The following ZNF529 variants were observed in gnomAD, a reference collection of about 807,000 sequenced individuals.
The protein encoded by ZNF529 is zinc finger protein 529.
A neutral mutation model predicts 10.1 loss-of-function variants in ZNF529; 11 were observed. The ratio of observed to expected loss-of-function variants is 1.09; its 90% CI spans 0.69 to 1.81. The LOEUF is 1.81. Ranked by LOEUF, ZNF529 falls within the 40% of genes most tolerant of loss-of-function variation. The pLI is 0.00. For synonymous variants in ZNF529, 204 were observed against 215.7 expected (o/e 0.95, Z 0.47); for missense variants, 624 against 666.8 (o/e 0.94, Z 0.71).
upstream of ZNF529, among the ~76,000 whole-genome samples, chr19:36,574,201 C>T (rs911833514): frequency 5.9e-5 from 9 of 152,180 alleles, no homozygotes; most frequent in Non-Finnish European, 1.3e-4. Context: ...CAATCAAATA[C>T]ATGTAAAATG....
intron 2 of ZNF529, among the ~76,000 whole-genome samples, chr19:36,588,277 C>A (rs577635164): frequency 6.6e-6 from 1 of 152,002 alleles, no homozygotes; most frequent in African/African-American, 2.4e-5. Flanking sequence ...GTGTCTCATG[C>A]CTTAAGGGAT....
upstream of ZNF529, among the ~76,000 whole-genome samples, chr19:36,574,166 T>C (rs1386941191): frequency 1.3e-5 from 2 of 152,222 alleles, no homozygotes; most frequent in African/African-American, 4.8e-5. Context: ...TGTGGTTTTA[T>C]ACCTTTTAGG....
At position 36,555,470 on chromosome 19, in the gene ZNF529, T is replaced by A. The variant is rs1410802754; in HGVS notation, c.108+634A>T. 2.4e-5 allele frequency among the ~76,000 whole-genome samples: 2 copies of A among 84,266 alleles called. 1 individual carries two copies. The highest frequency in any genetic ancestry group is 1.3e-4 in the African/African-American group (2 of 15,428). The allele number at this position is 84,266 out of a possible 152,430, so 55.3% of individuals were successfully genotyped here. The stretch of plus-strand genomic sequence containing the variant: ...CACCGCGCCCGGCTAATTTTTTGTA[T>A]TTTTTTTAGTAGAGACGGGGTTTCA... On this transcript the variant is annotated intron_variant, in intron 3 of 4. Transcript: ENST00000591340.
intron 2 of ZNF529, among the ~76,000 whole-genome samples, chr19:36,567,319 C>T (rs2035936785): frequency 6.6e-6 from 1 of 152,100 alleles, no homozygotes; most frequent in South Asian, 2.1e-4. Context: ...TTGCATCACT[C>T]CTTAATAACA....
At chr19:36,555,213 T>C (rs2035419861) in intron 3 of ZNF529, among the ~76,000 whole-genome samples, 2 of 152,256 alleles carry the variant, frequency 1.3e-5, no homozygotes, top group African/African-American at 2.4e-5. Context: ...AAAGATTTCT[T>C]GTAGCTCCAA....
At chr19:36,601,225 C>G (rs2036918358) in intron 1 of ZNF529, among the ~76,000 whole-genome samples, 2 of 150,738 alleles carry the variant, frequency 1.3e-5, no homozygotes, top group African/African-American at 4.9e-5. Context: ...GCCTCAGCCT[C>G]CCTGAGTAGC....
At chr19:36,595,749 G>A (rs1423295955) in intron 1 of ZNF529, among the ~76,000 whole-genome samples, 2 of 152,074 alleles carry the variant, frequency 1.3e-5, no homozygotes, top group Non-Finnish European at 2.9e-5. Flanking sequence ...TTCAGTAAGT[G>A]TCAGACTTAT....
intron 2 of ZNF529, among the ~76,000 whole-genome samples, chr19:36,562,570 T>C (rs936200995): frequency 6.6e-6 from 1 of 151,144 alleles, no homozygotes; most frequent in Non-Finnish European, 1.5e-5. Context: ...GCGCGGTGGC[T>C]CATGCCTGTA....
upstream of ZNF529, among the ~76,000 whole-genome samples, chr19:36,576,884 G>A (rs937523727): frequency 6.6e-6 from 1 of 151,738 alleles, no homozygotes; most frequent in African/African-American, 2.4e-5. Flanking sequence ...ACTCAGGAGA[G>A]CCCATACAAG....
chr19:36,604,223 G>A (rs2036980341), intron 1 of ZNF529, among the ~76,000 whole-genome samples: 1 of 152,104 alleles, frequency 6.6e-6, no homozygotes, highest in Non-Finnish European at 1.5e-5. Flanking sequence ...TCCTACTCCT[G>A]GGGCCTCAAT....
At chr19:36,564,123 A>C (rs2035812297) in intron 2 of ZNF529, among the ~76,000 whole-genome samples, 1 of 152,222 alleles carries the variant, frequency 6.6e-6, no homozygotes, top group South Asian at 2.1e-4. Context: ...AGTTTGATGA[A>C]AGCTTAAATG....
intron 2 of ZNF529, among the ~76,000 whole-genome samples, chr19:36,560,257 C>CAAAA (rs58196878): frequency 1.9e-5 from 2 of 104,334 alleles, no homozygotes; most frequent in South Asian, 3.1e-4. Flanking sequence ...AACTCCGTCT[C>CAAAA]AAAAAAAAAA....
At position 36,544,003 on chromosome 19, in the gene ZNF529, T is replaced by A. The variant is rs1159622173; in HGVS notation, c.*2863A>T. The A allele has an allele frequency of 6.6e-6, 1 of 151,872 alleles. No individual in the cohort carries two copies. Among genetic ancestry groups the A allele is most frequent in the Non-Finnish European group, 1.5e-5 (1 of 68,000 alleles). 9.4% of individuals were successfully genotyped at this position (151,872 alleles called of 1,614,324 possible). A position where few individuals can be genotyped will look rare whatever the true frequency, so the allele number is the denominator to read the frequency against. On this transcript the variant is annotated 3_prime_UTR_variant, in exon 5 of 5. Transcript: ENST00000591340. Reference sequence around the variant, plus strand: ...TAAATTGAATTCCTTCAAGGACATATAAAATTTAATGGTGCAGGACAGCAG... The same window carrying A: ...TAAATTGAATTCCTTCAAGGACATAAAAAATTTAATGGTGCAGGACAGCAG...
upstream of ZNF529, among the ~76,000 whole-genome samples, chr19:36,576,858 T>A (rs2036331290): frequency 6.6e-6 from 1 of 152,054 alleles, no homozygotes; most frequent in Non-Finnish European, 1.5e-5. Context: ...AGTGATTTGA[T>A]GTCTATGTAG....
At position 36,547,356 on chromosome 19, in the gene ZNF529, T is replaced by C. The variant is rs749657147; in HGVS notation, c.1202A>G (p.Lys401Arg). Reference sequence around the variant, plus strand: ...CAGGGATGAACTATTTCTAAAGACCTTTCCACATGCTTTGCATTCATAGGG... The same window carrying C: ...CAGGGATGAACTATTTCTAAAGACCCTTCCACATGCTTTGCATTCATAGGG... ...KKPYECKACG[K>R]VFRNSSSLTR... Residue 401 changes from lysine to arginine, a missense_variant, in exon 5 of 5, where the codon AAG becomes AGG. Coordinates refer to ENST00000591340, the MANE Select transcript of ZNF529 (RefSeq NM_020951.5). 2 of 1,613,854 alleles carry C rather than the reference T, an allele frequency of 1.2e-6. No homozygotes were observed. Among genetic ancestry groups the C allele is most frequent in the African/African-American group, 1.3e-5 (1 of 74,918 alleles).
At chr19:36,571,589 C>T (rs921406650) in intron 2 of ZNF529, among the ~76,000 whole-genome samples, 2 of 150,928 alleles carry the variant, frequency 1.3e-5, no homozygotes, top group African/African-American at 4.9e-5. Context: ...GCAGGAGACT[C>T]ACTTGAACCT....
chr19:36,582,014 A>G (rs1363353425), intron 2 of ZNF529: 5 of 152,230 alleles, frequency 3.3e-5, no homozygotes, highest in African/African-American at 1.2e-4. Context: ...TCACAAAAAG[A>G]TAACTACTTA....
chr19:36,599,279 C>G (rs561943548), intron 1 of ZNF529, among the ~76,000 whole-genome samples: 25 of 152,154 alleles, frequency 1.6e-4, no homozygotes, highest in Admixed American at 1.1e-3. Flanking sequence ...ATATATAATT[C>G]TGACTAGCTA....
chr19:36,560,252 C>T (rs536738895), intron 2 of ZNF529, among the ~76,000 whole-genome samples: 8 of 82,210 alleles, frequency 9.7e-5, no homozygotes, highest in African/African-American at 3.6e-4. Context: ...AGCGAAACTC[C>T]GTCTCAAAAA....
Sources: gnomAD v4.1 joint callset for allele counts (sites outside exome capture counted in the v4.1 genomes callset) on GRCh38, gnomAD v4.1.1 for gene constraint, MANE v1.5 for transcripts, NCBI Gene and HGNC (gene_info 2026-07-23, HGNC 2026-07-21) for gene names.